RALA: variants seen among roughly 807,000 people sequenced by gnomAD.
The protein encoded by RALA is ras-related protein Ral-A.
A neutral mutation model predicts 24.0 loss-of-function variants in RALA; 5 were observed. The observed-to-expected ratio is 0.21, with a 90% CI of 0.11 to 0.44. The LOEUF (loss-of-function observed/expected upper bound fraction) is 0.44, where lower values mean the gene tolerates loss of function less well. RALA is among the 20% of genes least tolerant of loss of function. RALA has a pLI of 0.99. For missense variants in RALA, 95 were observed against 241.2 expected (o/e 0.39, Z 4.01); for synonymous variants, 77 against 83.8 (o/e 0.92, Z 0.44).
At chr7:39,632,489 T>A (rs1187462461) in intron 1 of RALA, among the ~76,000 whole-genome samples, 1 of 152,196 alleles carries the variant, frequency 6.6e-6, no homozygotes, top group African/African-American at 2.4e-5. Flanking sequence ...CTTACAAGGG[T>A]TGCACACAGT....
Position 39,662,230 on chromosome 7 carries a change from C to G in RALA, c.-37-24401C>G, listed in dbSNP as rs558649497. 8.3e-3 allele frequency among the ~76,000 whole-genome samples: 982 copies of G among 118,680 alleles called. 6 individuals carry two copies. Among genetic ancestry groups the G allele is most frequent in the African/African-American group, 0.026 (957 of 36,996 alleles). 77.9% of individuals were successfully genotyped at this position (118,680 alleles called of 152,430 possible). A position where few individuals can be genotyped will look rare whatever the true frequency, so the allele number is the denominator to read the frequency against. ...CTGCCACAAAGGTCTCTGACATACC[C>G]TGGAGACATTTTCCCCATTGTCTTG... On this transcript the variant is annotated intron_variant, in intron 1 of 4. Transcript: ENST00000005257.
intron 1 of RALA, among the ~76,000 whole-genome samples, chr7:39,681,493 T>C (rs1213080869): frequency 6.6e-6 from 1 of 151,750 alleles, no homozygotes; most frequent in African/African-American, 2.4e-5. Context: ...CTTACCTCAA[T>C]TGGTGAAATG....
At chr7:39,688,337 T>C (rs569714706) in intron 2 of RALA, among the ~76,000 whole-genome samples, 10 of 151,794 alleles carry the variant, frequency 6.6e-5, no homozygotes, top group African/African-American at 2.4e-4. Flanking sequence ...GAGGTCACAG[T>C]GAGCAATGAC....
intron 1 of RALA, among the ~76,000 whole-genome samples, chr7:39,669,065 G>A (rs1432309205): frequency 6.6e-6 from 1 of 152,134 alleles, no homozygotes; most frequent in African/African-American, 2.4e-5. Context: ...AGTGAACCGA[G>A]ATCGCACCAC....
In RALA at chr7:39,623,796, C is replaced by T. The variant is rs1196076173; in HGVS notation, c.-67C>T. On this transcript the variant is annotated 5_prime_UTR_variant, in exon 1 of 5. Coordinates refer to ENST00000005257, the MANE Select transcript of RALA (RefSeq NM_005402.4). This position sits in a 1 kb window ranked among gnomAD's most constrained non-coding sequence, Gnocchi z 4.9. Reference sequence around the variant, plus strand: ...CCACGCAGCCGCGGCTTCCGGAGCCCTCGGGGCGGCGGACTGGCTCGCGGT... The same window carrying T: ...CCACGCAGCCGCGGCTTCCGGAGCCTTCGGGGCGGCGGACTGGCTCGCGGT... The T allele has an allele frequency of 2.6e-5, 4 of 152,160 alleles. No homozygotes were observed. Among genetic ancestry groups the T allele is most frequent in the African/African-American group, 9.7e-5 (4 of 41,408 alleles). The allele number at this position is 152,160 out of a possible 1,614,324, so 9.4% of individuals were successfully genotyped here.
At chr7:39,633,627 C>T (rs1265381546) in intron 1 of RALA, among the ~76,000 whole-genome samples, 1 of 152,142 alleles carries the variant, frequency 6.6e-6, no homozygotes, top group African/African-American at 2.4e-5. Context: ...CACAGCCACA[C>T]CCTATCAGCA....
intron 3 of RALA, among the ~76,000 whole-genome samples, chr7:39,695,727 T>A (rs1029210993): frequency 2.6e-5 from 4 of 152,104 alleles, no homozygotes; most frequent in Non-Finnish European, 5.9e-5. Context: ...TAAAAGATAT[T>A]TTTTATTTGC....
chr7:39,685,772 CTA>C (rs1792688770), intron 1 of RALA, among the ~76,000 whole-genome samples: 1 of 152,056 alleles, frequency 6.6e-6, no homozygotes, highest in Non-Finnish European at 1.5e-5. Context: ...GTTTATAATT[CTA>C]CCACCAAGTT....
At chr7:39,647,156 C>T (rs922401209) in intron 1 of RALA, among the ~76,000 whole-genome samples, 2 of 152,168 alleles carry the variant, frequency 1.3e-5, no homozygotes, top group Admixed American at 6.5e-5. Flanking sequence ...AATCCTCCCA[C>T]CTCAGCCTCC....
Position 39,688,145 on chromosome 7 carries a change from C to T in RALA, c.114+1364C>T, listed in dbSNP as rs80162093. Among the ~76,000 whole-genome samples, 373 of 152,058 alleles carry T rather than the reference C, an allele frequency of 2.5e-3. 2 individuals carry two copies. The highest frequency in any genetic ancestry group is 8.8e-3 in the African/African-American group (363 of 41,454). ...GTCAGTTGCCATGCTTGTTAGTGAG[C>T]GAATTAAAAAGTTTAGGGAAGGCGT... is the stretch of plus-strand genomic sequence containing the variant. On this transcript the variant is annotated intron_variant, in intron 2 of 4. Transcript: ENST00000005257.
chr7:39,693,056 T>C (rs1792851569), intron 3 of RALA, among the ~76,000 whole-genome samples: 2 of 152,186 alleles, frequency 1.3e-5, no homozygotes, highest in South Asian at 4.1e-4. Context: ...GACCCAGCGA[T>C]CCCATTACTG....
At chr7:39,659,550 A>G (rs937363276) in intron 1 of RALA, among the ~76,000 whole-genome samples, 2 of 152,206 alleles carry the variant, frequency 1.3e-5, no homozygotes, top group African/African-American at 4.8e-5. Flanking sequence ...ATGACTCACA[A>G]TGCAGCTTAC....
intron 1 of RALA, among the ~76,000 whole-genome samples, chr7:39,682,419 C>T (rs1792621056): frequency 6.6e-6 from 1 of 152,240 alleles, no homozygotes; most frequent in Non-Finnish European, 1.5e-5. Flanking sequence ...ATTCTCTACA[C>T]ACCAACCAGG....
intron 1 of RALA, among the ~76,000 whole-genome samples, chr7:39,677,825 T>G: frequency 2.6e-5 from 1 of 38,402 alleles, no homozygotes; most frequent in Admixed American, 3.9e-4. Context: ...TTTTTTCATG[T>G]GTTTTTTGGC....
At chr7:39,656,955 T>A (rs984805693) in intron 1 of RALA, among the ~76,000 whole-genome samples, 29 of 152,076 alleles carry the variant, frequency 1.9e-4, no homozygotes, top group Admixed American at 1.9e-3. Flanking sequence ...TGTTTGTTTG[T>A]TTTTGTGTTT....
At chr7:39,643,589 C>G (rs909419526) in intron 1 of RALA, among the ~76,000 whole-genome samples, 1 of 152,216 alleles carries the variant, frequency 6.6e-6, no homozygotes, top group Non-Finnish European at 1.5e-5. Context: ...GGCGTGGTGG[C>G]TTACGCCTGT....
At chr7:39,630,604 G>A (rs1163958348) in intron 1 of RALA, among the ~76,000 whole-genome samples, 1 of 152,120 alleles carries the variant, frequency 6.6e-6, no homozygotes, top group African/African-American at 2.4e-5. Context: ...TCAGGTTATA[G>A]AGAAATTCAC....
chr7:39,650,629 G>T (rs569777756), intron 1 of RALA, among the ~76,000 whole-genome samples: 1 of 152,066 alleles, frequency 6.6e-6, no homozygotes, highest in South Asian at 2.1e-4. Context: ...TCTTGGAAGG[G>T]GCCCTAGTCT....
chr7:39,685,385 G>A (rs1408713232), intron 1 of RALA, among the ~76,000 whole-genome samples: 5 of 152,168 alleles, frequency 3.3e-5, no homozygotes, highest in African/African-American at 1.2e-4. Flanking sequence ...AAACAGGAGG[G>A]GGCGTGGTTC....
Sources: allele counts gnomAD v4.1 joint callset (sites outside exome capture counted in the v4.1 genomes callset), GRCh38; gene constraint gnomAD v4.1.1; non-coding constraint Gnocchi (gnomAD v3.1); transcripts MANE v1.5; gene names NCBI Gene and HGNC (gene_info 2026-07-23, HGNC 2026-07-21).